The following GRIN2D variants were observed in gnomAD, a reference collection of about 807,000 sequenced individuals.
GRIN2D encodes the protein glutamate ionotropic receptor NMDA type subunit 2D.
Under a neutral mutation model 103.2 loss-of-function variants are expected in GRIN2D, and 37 were observed. That is an observed-to-expected ratio of 0.36 (90% CI 0.28 to 0.47). The LOEUF is 0.47. GRIN2D is among the 20% of genes least tolerant of loss of function. The pLI is 1.00. For synonymous variants in GRIN2D, 845 were observed against 885.6 expected (o/e 0.95, Z 0.81); for missense variants, 1,557 against 1,910.6 (o/e 0.81, Z 3.45).
chr19:48,443,635 C>G lies in GRIN2D; in HGVS notation c.3709C>G (p.Arg1237Gly). 1.8e-6 allele frequency: 2 copies of G among 1,081,982 alleles called. No individual in the cohort carries two copies. Among genetic ancestry groups the G allele is most frequent in the South Asian group, 4.1e-5 (1 of 24,614 alleles). 67.0% of individuals were successfully genotyped at this position (1,081,982 alleles called of 1,614,324 possible). ...GCPRSHPHRP[R>G]ASHRTPAAAA... ...CCCGCGGTCGCACCCGCACCGCCCG[C>G]GGGCCTCGCACCGCACGCCCGCCGC... Residue 1237 changes from arginine to glycine, a missense_variant, in exon 14 of 14, where the codon CGG (arginine) becomes GGG (glycine). Coordinates refer to ENST00000263269, the MANE Select transcript of GRIN2D (RefSeq NM_000836.4). This position sits in a 1 kb window ranked among gnomAD's most constrained non-coding sequence, Gnocchi z 8.9.
chr19:48,438,455 C>T (rs886966068), intron 11 of GRIN2D, among the ~76,000 whole-genome samples: 11 of 151,938 alleles, frequency 7.2e-5, no homozygotes, highest in Admixed American at 2.0e-4. Flanking sequence ...CCTGCCACCA[C>T]GTCTGGCTAA....
rs533489343 is a variant in GRIN2D, at chr19:48,418,747, A to C, written c.1736-487A>C. On this transcript the variant is annotated intron_variant, in intron 8 of 13. Transcript: ENST00000263269. Reference sequence around the variant, plus strand: ...GGGCTCCCATCATGAGGAGCGTGGGAGCTGGTCTGGGCTCAGCATGGGACA... The same window carrying C: ...GGGCTCCCATCATGAGGAGCGTGGGCGCTGGTCTGGGCTCAGCATGGGACA... Among the ~76,000 whole-genome samples, 14 of 152,024 alleles carry C rather than the reference A, an allele frequency of 9.2e-5. No individual in the cohort carries two copies. The East Asian group carries it at 2.5e-3, about 27-fold the overall frequency.
chr19:48,419,263 A>G lies in GRIN2D; in HGVS notation c.1765A>G (p.Met589Val). 1 of 1,610,688 alleles carries G rather than the reference A, an allele frequency of 6.2e-7. No individual in the cohort carries two copies. The highest frequency in any genetic ancestry group is 8.5e-7 in the Non-Finnish European group (1 of 1,179,432). The change falls in exon 9 of 14, where the codon ATG becomes GTG. Residue 589 changes from methionine (M) to valine (V), a missense_variant. Physicochemically the swap from Met to Val is conservative, Grantham distance 21. This residue lies in a region of GRIN2D where 197 missense variants were observed against 334.1 expected (regional missense o/e 0.59). Coordinates refer to ENST00000263269, the MANE Select transcript of GRIN2D (RefSeq NM_000836.4). ...EPYSPAVWVMMFVMCLTVVAV... is the reference protein window; with the variant it reads ...EPYSPAVWVMVFVMCLTVVAV... The stretch of plus-strand genomic sequence containing the variant: ...CTACAGCCCCGCCGTGTGGGTGATG[A>G]TGTTCGTCATGTGCCTCACTGTGGT...
rs117213758 is a variant in GRIN2D at position 48,410,554 on chromosome 19, A to C, written c.1086-3437A>C. On this transcript the variant is annotated intron_variant, in intron 4 of 13. Coordinates refer to ENST00000263269, the MANE Select transcript of GRIN2D (RefSeq NM_000836.4). ...AAAAAAAAAAAAAAAAAAAAAAAGCAGTCGGAGTGTGGGTGGCACCAGGCC... is the reference window on the plus strand; with the variant it reads ...AAAAAAAAAAAAAAAAAAAAAAAGCCGTCGGAGTGTGGGTGGCACCAGGCC... Among the ~76,000 whole-genome samples the C allele has an allele frequency of 2.5e-3, 362 of 144,342 alleles. 7 individuals are homozygous for C. In the East Asian group the frequency reaches 0.07, roughly 28 times the overall value. 94.7% of individuals were successfully genotyped at this position (144,342 alleles called of 152,430 possible). A position where few individuals can be genotyped will look rare whatever the true frequency, so the allele number is the denominator to read the frequency against.
At chr19:48,419,440 G>GA (rs1970988950) in intron 9 of GRIN2D, 81 bp downstream of exon 9, 1 of 1,518,650 alleles carries the variant, frequency 6.6e-7, no homozygotes, top group South Asian at 1.2e-5. Context: ...GCAGCCCCTG[G>GA]AGGGGGGGCG....
At chr19:48,422,015 G>A (rs1228896230) in intron 11 of GRIN2D, 70 bp downstream of exon 11, 58 of 1,495,480 alleles carry the variant, frequency 3.9e-5, no homozygotes, top group Non-Finnish European at 4.9e-5. Flanking sequence ...AAGATGGCAA[G>A]GGGTCCAGGT....
rs1163967311 is a variant in GRIN2D, at chr19:48,435,304, T to TG, written c.2253-6465_2253-6464insG. On this transcript the variant is annotated intron_variant, in intron 11 of 13. Transcript: ENST00000263269. ...TGCCCATTCAGCCACTTGTTTTTTT[T>TG]TTTTTTTTTTTGAGACGGAGTCTTG... Among the ~76,000 whole-genome samples, 6 of 149,558 alleles carry TG rather than the reference T, an allele frequency of 4.0e-5. 1 individual carries two copies. Among genetic ancestry groups the TG allele is most frequent in the Non-Finnish European group, 7.4e-5 (5 of 67,338 alleles).
At position 48,441,872 on chromosome 19, in the gene GRIN2D, A is replaced by C; in HGVS notation, c.2356A>C (p.Thr786Pro). The C allele has an allele frequency of 6.2e-7, 1 of 1,613,746 alleles. No individual in the cohort carries two copies. The highest frequency in any genetic ancestry group is 1.1e-5 in the South Asian group (1 of 91,092). The part of the protein sequence containing the change: ...VTIGSGKVFA[T>P]TGYGIALHKG... ...CATCGGCTCCGGCAAGGTCTTCGCC[A>C]CGACAGGCTATGGCATCGCCCTGCA... The change falls in exon 12 of 14, where the codon ACG becomes CCG. Residue 786 changes from threonine to proline, a missense_variant. Thr to Pro is a conservative substitution (Grantham distance 38). Coordinates refer to ENST00000263269, the MANE Select transcript of GRIN2D (RefSeq NM_000836.4).
At chr19:48,439,457 C>T (rs2147472717) in intron 11 of GRIN2D, among the ~76,000 whole-genome samples, 1 of 152,286 alleles carries the variant, frequency 6.6e-6, no homozygotes, top group African/African-American at 2.4e-5. Flanking sequence ...ATAAGACCAA[C>T]TGGGACCCTG....
At chr19:48,417,041 G>A (rs115647621) in intron 8 of GRIN2D, among the ~76,000 whole-genome samples, 3,417 of 152,136 alleles carry the variant, frequency 0.022, 131 homozygotes, top group African/African-American at 0.078. Flanking sequence ...CACTGCACCC[G>A]GACAAGGGTT....
chr19:48,404,958 C>T lies in GRIN2D; in HGVS notation c.690C>T (p.Ala230=), dbSNP rs201727209. 1.5e-5 allele frequency: 24 copies of T among 1,612,412 alleles called. No individual in the cohort carries two copies. Among genetic ancestry groups the T allele is most frequent in the Non-Finnish European group, 1.9e-5 (23 of 1,179,558 alleles). The change falls in exon 4 of 14, where the codon GCC becomes GCT. Residue 230 remains alanine (A), a synonymous_variant. Coordinates refer to ENST00000263269, the MANE Select transcript of GRIN2D (RefSeq NM_000836.4). ...CGCTGGACCCTGGGGCGGGCGAGGC[C>T]GTGCTCAGTGCCCAGCTCCGCAGTG... The part of the protein sequence containing the change: ...ALTLDPGAGE[A]VLSAQLRSVS...
In GRIN2D at chr19:48,443,807, C is replaced by T. The variant is rs755963499; in HGVS notation, c.3881C>T (p.Ala1294Val). The T allele has an allele frequency of 6.1e-6, 9 of 1,479,414 alleles. No homozygotes were observed. The South Asian group carries it at 1.0e-4, about 17-fold the overall frequency. The allele number at this position is 1,479,414 out of a possible 1,614,324, so 91.6% of individuals were successfully genotyped here. A position where few individuals can be genotyped will look rare whatever the true frequency, so the allele number is the denominator to read the frequency against. Residue 1294 changes from alanine (A) to valine (V), a missense_variant, in exon 14 of 14, where the codon GCT (alanine) becomes GTT (valine). This residue lies in a region of GRIN2D where 88 missense variants were observed against 84.3 expected (regional missense o/e 1.04). Transcript: ENST00000263269. The surrounding 1 kb of genome is among the most constrained non-coding windows in gnomAD (Gnocchi z 8.9). ...ARRLTGPSRH[A>V]RRCPHAAHWG... ...AGGCTTACCGGGCCCTCCCGCCACG[C>T]TCGCAGGTGTCCGCACGCCGCGCAC...
chr19:48,427,542 C>T (rs1273633734), intron 11 of GRIN2D, among the ~76,000 whole-genome samples: 8 of 134,274 alleles, frequency 6.0e-5, no homozygotes, highest in Non-Finnish European at 1.2e-4. Context: ...TGCAGTGGCG[C>T]GATCTCGGCT....
intron 11 of GRIN2D, among the ~76,000 whole-genome samples, chr19:48,423,400 AATGAACAATAAAC>A (rs1971046727): frequency 6.6e-6 from 1 of 152,152 alleles, no homozygotes; most frequent in Non-Finnish European, 1.5e-5. Flanking sequence ...AGAGGTGGGA[AATGAACAATAAAC>A]ATGCAAACAG....
chr19:48,419,868 G>A, intron 10 of GRIN2D, 54 bp downstream of exon 10: 1 of 965,374 alleles, frequency 1.0e-6, no homozygotes, highest in Non-Finnish European at 1.5e-6. Flanking sequence ...GGAGGTCACA[G>A]AGCTTGTCAT....
At position 48,414,559 on chromosome 19, in the gene GRIN2D, C is replaced by T. The variant is rs1204764292; in HGVS notation, c.1387C>T (p.Arg463Trp). Residue 463 changes from arginine (R) to tryptophan (W), a missense_variant, in exon 6 of 14, where the codon CGG becomes TGG. By Grantham distance (101) the Arg-to-Trp change is moderately radical (BLOSUM62 -3). Coordinates refer to ENST00000263269, the MANE Select transcript of GRIN2D (RefSeq NM_000836.4). The surrounding 1 kb of genome is among the most constrained non-coding windows in gnomAD (Gnocchi z 4.6). The stretch of plus-strand genomic sequence containing the variant: ...CTGCATCCGAGACTCCGTCCCCTGC[C>T]GGAGCCAGCTCAACCGAACCCACAG... The part of the protein sequence containing the change: ...GTCIRDSVPC[R>W]SQLNRTHSPP... The T allele has an allele frequency of 1.3e-6, 2 of 1,552,602 alleles. No homozygotes were observed. The highest frequency in any genetic ancestry group is 1.4e-5 in the African/African-American group (1 of 73,126).
In GRIN2D at chr19:48,405,339, C is replaced by G; in HGVS notation, c.1071C>G (p.Gly357=). Reference sequence around the variant, plus strand: ...GCGCCCAGAACCGCACCCACCGCGGCGAGAGTCTGCATAGGTGAGTGGGGC... The same window carrying G: ...GCGCCCAGAACCGCACCCACCGCGGGGAGAGTCTGCATAGGTGAGTGGGGC... ...DCRAQNRTHR[G]ESLHRYFMNI... is the part of the protein sequence containing the mutation. Residue 357 remains glycine, a synonymous_variant, in exon 4 of 14, where the codon GGC becomes GGG. Coordinates refer to ENST00000263269, the MANE Select transcript of GRIN2D (RefSeq NM_000836.4). This position sits in a 1 kb window ranked among gnomAD's most constrained non-coding sequence, Gnocchi z 5.1. The G allele has an allele frequency of 6.3e-7, 1 of 1,585,596 alleles. No individual in the cohort carries two copies. Among genetic ancestry groups the G allele is most frequent in the South Asian group, 1.1e-5 (1 of 87,836 alleles).
chr19:48,434,478 C>G (rs943769054), intron 11 of GRIN2D, among the ~76,000 whole-genome samples: 1 of 152,152 alleles, frequency 6.6e-6, no homozygotes, highest in Non-Finnish European at 1.5e-5. Flanking sequence ...TGGTCTTGAA[C>G]TTCTGACCTG....
At chr19:48,406,992 T>TC (rs1970800799) in intron 4 of GRIN2D, among the ~76,000 whole-genome samples, 1 of 151,684 alleles carries the variant, frequency 6.6e-6, no homozygotes, top group African/African-American at 2.4e-5. Flanking sequence ...TTTCTTTTTT[T>TC]TTTTGAGACG....
Sources: allele counts gnomAD v4.1 joint callset (sites outside exome capture counted in the v4.1 genomes callset), GRCh38; gene constraint gnomAD v4.1.1; regional missense constraint gnomAD v4.1.1; non-coding constraint Gnocchi (gnomAD v3.1); transcripts MANE v1.5; gene names NCBI Gene and HGNC (gene_info 2026-07-23, HGNC 2026-07-21).